The following SPAG9 variants were observed in gnomAD, a reference collection of about 807,000 sequenced individuals.
The protein encoded by SPAG9 is C-Jun-amino-terminal kinase-interacting protein 4.
In SPAG9, 35 loss-of-function variants were observed where a neutral mutation model predicts 166.5. The ratio of observed to expected loss-of-function variants is 0.21; its 90% CI spans 0.16 to 0.28. SPAG9 has a LOEUF of 0.28. SPAG9 is among the 10% of genes least tolerant of loss of function. The probability of loss-of-function intolerance (pLI) is 1.00; values close to 1 mark genes in which losing one functional copy is unlikely to be tolerated. For synonymous variants in SPAG9, 534 were observed against 565.5 expected (o/e 0.94, Z 0.79); for missense variants, 1,235 against 1,603.3 (o/e 0.77, Z 3.92).
rs201822590 is a variant in SPAG9 at position 51,053,792 on chromosome 17, T to A, written c.495+2620A>T. Reference sequence around the variant, plus strand: ...GGTTGAGGCTGCAGTGCGCTATGACTGCGCCACTGCACTCCAGCCTGGGAA... The same window carrying A: ...GGTTGAGGCTGCAGTGCGCTATGACAGCGCCACTGCACTCCAGCCTGGGAA... On this transcript the variant is annotated intron_variant, in intron 3 of 29. Transcript: ENST00000262013. 4.9e-4 allele frequency among the ~76,000 whole-genome samples: 65 copies of A among 132,276 alleles called. No homozygotes were observed. The East Asian group carries it at 0.015, about 30-fold the overall frequency. The allele number at this position is 132,276 out of a possible 152,430, so 86.8% of individuals were successfully genotyped here.
chr17:51,084,467 C>A (rs1450453066), intron 1 of SPAG9, among the ~76,000 whole-genome samples: 3 of 152,014 alleles, frequency 2.0e-5, no homozygotes, highest in Non-Finnish European at 4.4e-5. Context: ...CAGCTAACTG[C>A]AACCTCCATC....
intron 15 of SPAG9, among the ~76,000 whole-genome samples, chr17:50,998,169 T>C (rs562142429): frequency 6.6e-5 from 10 of 151,842 alleles, no homozygotes; most frequent in African/African-American, 2.4e-4. Flanking sequence ...GTAGCTGTGA[T>C]TACAGCCACA....
chr17:51,020,482 G>A (rs1374182600), intron 7 of SPAG9, among the ~76,000 whole-genome samples: 3 of 152,024 alleles, frequency 2.0e-5, no homozygotes, highest in Non-Finnish European at 4.4e-5. Context: ...CTTGTGTTTC[G>A]TGGAACACAC....
rs1263336616 is a variant in SPAG9, at chr17:50,995,222, C to T, written c.2061G>A (p.Leu687=). Residue 687 remains leucine, a splice_region_variant and synonymous_variant, in exon 18 of 30, where the codon CTG becomes CTA. Coordinates refer to ENST00000262013, the MANE Select transcript of SPAG9 (RefSeq NM_001130528.3). ...PLDEKDTSMK[L]WCAVGVNLSG... is the part of the protein sequence containing the mutation. ...ATAAATTGACTCCAACAGCACACCA[C>T]AGCTTCTCAGGTGAAAAAGAAAACA... 1.2e-6 allele frequency: 2 copies of T among 1,610,988 alleles called. No individual in the cohort carries two copies. Among genetic ancestry groups the T allele is most frequent in the East Asian group, 2.2e-5 (1 of 44,876 alleles).
chr17:51,021,192 T>A lies in SPAG9; in HGVS notation c.957A>T (p.Val319=). ...CATTTCTAGTTTCCTGGGCTACCTG[T>A]ACTTCAATGTGTTTGCTTATCTCTG... The part of the protein sequence containing the change: ...NKSEISKHIE[V]QVAQETRNVS... Residue 319 remains valine (V), a synonymous_variant, in exon 7 of 30, where the codon GTA becomes GTT. Coordinates refer to ENST00000262013, the MANE Select transcript of SPAG9 (RefSeq NM_001130528.3). The A allele has an allele frequency of 6.2e-7, 1 of 1,614,072 alleles. No homozygotes were observed. Among genetic ancestry groups the A allele is most frequent in the Non-Finnish European group, 8.5e-7 (1 of 1,179,972 alleles).
rs539715827 is a variant in SPAG9 at position 50,964,531 on chromosome 17, T to C, written c.*1741A>G. ...TGAACCTGAGAGGTGGAGGTTGCAG[T>C]GAGCTGAGATCGCACCACTGCATTC... On this transcript the variant is annotated 3_prime_UTR_variant, in exon 30 of 30. Coordinates refer to ENST00000262013, the MANE Select transcript of SPAG9 (RefSeq NM_001130528.3). 2.2e-4 allele frequency: 39 copies of C among 175,088 alleles called. No homozygotes were observed. Among genetic ancestry groups the C allele is most frequent in the Non-Finnish European group, 2.5e-4 (21 of 84,092 alleles). The allele number at this position is 175,088 out of a possible 1,614,324, so 10.8% of individuals were successfully genotyped here.
Position 50,995,070 on chromosome 17 carries a change from T to A in SPAG9, c.2213A>T (p.Asp738Val). Reference sequence around the variant, plus strand: ...ACACACACTTACCTTAAGTTCCTGATCTAACTTATCTAAACTACTCTGAGA... The same window carrying A: ...ACACACACTTACCTTAAGTTCCTGAACTAACTTATCTAAACTACTCTGAGA... The part of the protein sequence containing the change: ...SASQSSLDKL[D>V]QELKEQQKEL... Residue 738 changes from aspartate to valine, a missense_variant, in exon 18 of 30, where the codon GAT (aspartate) becomes GTT (valine). Coordinates refer to ENST00000262013, the MANE Select transcript of SPAG9 (RefSeq NM_001130528.3). 6 of 1,612,304 alleles carry A rather than the reference T, an allele frequency of 3.7e-6. No individual in the cohort carries two copies. Among genetic ancestry groups the A allele is most frequent in the Non-Finnish European group, 4.2e-6 (5 of 1,178,876 alleles).
rs907986618 is a variant in SPAG9 at position 51,060,011 on chromosome 17, G to GA, written c.425-3530dup. Among the ~76,000 whole-genome samples, 13 of 150,992 alleles carry GA rather than the reference G, an allele frequency of 8.6e-5. 1 individual carries two copies. Among genetic ancestry groups the GA allele is most frequent in the East Asian group, 1.9e-4 (1 of 5,162 alleles). ...AAGCTTCCGATCTCATTTTTAAAAG[G>GA]AAAAAAAAATTCTTACAATGGTCTG... On this transcript the variant is annotated intron_variant, in intron 2 of 29. Coordinates refer to ENST00000262013, the MANE Select transcript of SPAG9 (RefSeq NM_001130528.3).
chr17:51,088,951 G>A (rs2048372924), intron 1 of SPAG9, among the ~76,000 whole-genome samples: 1 of 151,604 alleles, frequency 6.6e-6, no homozygotes, highest in South Asian at 2.1e-4. Context: ...AAATTAGCCA[G>A]GCGAGGTGGC....
chr17:50,990,308 G>A (rs1039998684), intron 20 of SPAG9, 142 bp downstream of exon 20: 27 of 697,592 alleles, frequency 3.9e-5, no homozygotes, highest in Admixed American at 2.8e-4. Flanking sequence ...GATTACAGGC[G>A]TGAGCCACCA....
chr17:50,997,229 A>C (rs1168766054), intron 15 of SPAG9, among the ~76,000 whole-genome samples: 1 of 152,246 alleles, frequency 6.6e-6, no homozygotes, highest in Non-Finnish European at 1.5e-5. Flanking sequence ...TTAACAGGTT[A>C]CCAAGCAGCT....
chr17:51,077,101 GCTAGCTATCTAGCTAT>G (rs1370106237), intron 2 of SPAG9, among the ~76,000 whole-genome samples: 93 of 102,116 alleles, frequency 9.1e-4, no homozygotes, highest in African/African-American at 4.4e-3. Flanking sequence ...TATCTATCTA[GCTAGCTATCTAGCTAT>G]CTAGCTAGCT....
chr17:50,983,298 G>A (rs965784225), intron 24 of SPAG9, among the ~76,000 whole-genome samples: 1 of 152,190 alleles, frequency 6.6e-6, no homozygotes, highest in Admixed American at 6.5e-5. Context: ...CAGTCTTGCA[G>A]AGTGGAAACA....
chr17:50,986,509 C>A (rs955991788), intron 22 of SPAG9, among the ~76,000 whole-genome samples: 2 of 152,158 alleles, frequency 1.3e-5, no homozygotes, highest in Admixed American at 6.5e-5. Context: ...TGAGCATTAC[C>A]TGCCAGCATC....
chr17:50,982,676 TA>T lies in SPAG9; in HGVS notation c.3089-5del, dbSNP rs1567961158. The T allele has an allele frequency of 1.1e-5, 18 of 1,591,746 alleles. No homozygotes were observed. Among genetic ancestry groups the T allele is most frequent in the Admixed American group, 5.6e-5 (3 of 53,502 alleles). ...TTTGACAAATCCCACTGCCCATCTT[TA>T]AAAAAAATAAAAGGTTATAGTAAAT... On this transcript the variant is annotated splice_region_variant and splice_polypyrimidine_tract_variant and intron_variant, in intron 24 of 29. Coordinates refer to ENST00000262013, the MANE Select transcript of SPAG9 (RefSeq NM_001130528.3).
At chr17:51,112,991 C>T (rs1038384911) in intron 1 of SPAG9, among the ~76,000 whole-genome samples, 3 of 145,964 alleles carry the variant, frequency 2.1e-5, no homozygotes, top group Non-Finnish European at 4.5e-5. Context: ...AAAACCCAAC[C>T]AAAGGAAAAA....
intron 28 of SPAG9, among the ~76,000 whole-genome samples, chr17:50,972,417 A>G (rs1443429645): frequency 6.6e-6 from 1 of 152,228 alleles, no homozygotes; most frequent in Non-Finnish European, 1.5e-5. Context: ...AATTTAGATT[A>G]TGCAAACAAA....
chr17:51,115,384 G>A (rs1416891528), intron 1 of SPAG9, among the ~76,000 whole-genome samples: 1 of 149,894 alleles, frequency 6.7e-6, no homozygotes, highest in Non-Finnish European at 1.5e-5. Flanking sequence ...GGGAAGAGGG[G>A]TCTCACTACG....
chr17:50,997,117 C>T (rs1224589728), intron 15 of SPAG9, among the ~76,000 whole-genome samples: 1 of 151,654 alleles, frequency 6.6e-6, no homozygotes, highest in Non-Finnish European at 1.5e-5. Flanking sequence ...GCCTGGGGGA[C>T]AAGAGCAAAA....
Sources: allele counts gnomAD v4.1 joint callset (sites outside exome capture counted in the v4.1 genomes callset), GRCh38; gene constraint gnomAD v4.1.1; transcripts MANE v1.5; gene names NCBI Gene and HGNC (gene_info 2026-07-23, HGNC 2026-07-21).